Variants in PPFIA2 observed in about 807,000 individuals in gnomAD.
PPFIA2 encodes liprin-alpha-2.
A neutral mutation model predicts 175.5 loss-of-function variants in PPFIA2; 46 were observed. The observed-to-expected ratio is 0.26, with a 90% CI of 0.21 to 0.34. The LOEUF (loss-of-function observed/expected upper bound fraction) is 0.34. Ranked by LOEUF, PPFIA2 falls within the 10% of genes least tolerant of loss-of-function variation. The pLI, the probability that PPFIA2 is intolerant of heterozygous loss-of-function variation, is 1.00. For missense variants in PPFIA2, 1,179 were observed against 1,506.1 expected, an observed-to-expected ratio of 0.78 and a Z score of 3.60; for synonymous variants, 568 against 511.4, an observed-to-expected ratio of 1.11 and a Z score of -1.49.
chr12:81,531,240 A>C (rs1036330853), intron 4 of PPFIA2, among the ~76,000 whole-genome samples: 3 of 151,934 alleles, frequency 2.0e-5, no homozygotes, highest in Non-Finnish European at 4.4e-5. Context: ...CCAATTAAGT[A>C]GTTAGTTGTA....
chr12:81,595,266 C>CATATAT (rs200144374), intron 4 of PPFIA2, among the ~76,000 whole-genome samples: 1 of 149,530 alleles, frequency 6.7e-6, no homozygotes, highest in Non-Finnish European at 1.5e-5. Context: ...TTTAAACAAA[C>CATATAT]ATATATATAT....
intron 22 of PPFIA2, among the ~76,000 whole-genome samples, chr12:81,301,552 G>T (rs1566008982): frequency 6.6e-6 from 1 of 152,102 alleles, no homozygotes; most frequent in East Asian, 1.9e-4. Flanking sequence ...TTTTGAGTCT[G>T]ATCATGTAAC....
intron 16 of PPFIA2, among the ~76,000 whole-genome samples, chr12:81,357,357 A>G (rs2061006406): frequency 6.6e-6 from 1 of 152,226 alleles, no homozygotes; most frequent in South Asian, 2.1e-4. Flanking sequence ...GGGCCTGTGT[A>G]CAAATATGGA....
At chr12:81,335,310 G>A (rs2056920999) in intron 21 of PPFIA2, among the ~76,000 whole-genome samples, 1 of 152,306 alleles carries the variant, frequency 6.6e-6, no homozygotes, top group East Asian at 1.9e-4. Context: ...TCATTGTGCT[G>A]TCAAGTCTTA....
At chr12:81,594,480 T>C (rs1224685996) in intron 4 of PPFIA2, among the ~76,000 whole-genome samples, 4 of 152,146 alleles carry the variant, frequency 2.6e-5, no homozygotes, top group Non-Finnish European at 5.9e-5. Context: ...AATTATTCCT[T>C]TGGTTTGAAG....
chr12:81,638,224 C>A (rs897228852), intron 4 of PPFIA2, among the ~76,000 whole-genome samples: 1 of 152,062 alleles, frequency 6.6e-6, no homozygotes, highest in Admixed American at 6.6e-5. Flanking sequence ...ATTCTTATCA[C>A]CACCCTGTAT....
At chr12:81,604,487 A>G (rs1322164108) in intron 4 of PPFIA2, among the ~76,000 whole-genome samples, 1 of 151,594 alleles carries the variant, frequency 6.6e-6, no homozygotes, top group Non-Finnish European at 1.5e-5. Context: ...ATATTTTAAC[A>G]TCTTTCTTTA....
At chr12:81,354,431 AACCACTT>A (rs2060539881) in intron 16 of PPFIA2, among the ~76,000 whole-genome samples, 1 of 152,166 alleles carries the variant, frequency 6.6e-6, no homozygotes, top group South Asian at 2.1e-4. Context: ...CATCTCAAGA[AACCACTT>A]TCTGTTCATT....
At chr12:81,348,649 T>C (rs1240739766) in intron 17 of PPFIA2, among the ~76,000 whole-genome samples, 3 of 151,982 alleles carry the variant, frequency 2.0e-5, no homozygotes, top group African/African-American at 4.8e-5. Flanking sequence ...AGCAGGAGAA[T>C]CGCTTGAACC....
intron 28 of PPFIA2, among the ~76,000 whole-genome samples, chr12:81,270,492 C>A (rs773930451): frequency 3.3e-5 from 5 of 152,146 alleles, no homozygotes; most frequent in Non-Finnish European, 5.9e-5. Flanking sequence ...TGTTATCATT[C>A]TTGAATGGCA....
Position 81,717,939 on chromosome 12 carries a change from A to G in PPFIA2, c.249+36034T>C, listed in dbSNP as rs116420649. On this transcript the variant is annotated intron_variant, in intron 3 of 32. Transcript: ENST00000549396. Reference sequence around the variant, plus strand: ...AATTGATCCCATGGAGAAAATCTGAAGTAGAAACTGTACCACAGTTAGCTG... The same window carrying G: ...AATTGATCCCATGGAGAAAATCTGAGGTAGAAACTGTACCACAGTTAGCTG... Among the ~76,000 whole-genome samples, 346 of 151,764 alleles carry G rather than the reference A, an allele frequency of 2.3e-3. 1 individual carries two copies. The highest frequency in any genetic ancestry group is 8.1e-3 in the African/African-American group (336 of 41,490).
At chr12:81,413,870 TTG>T (rs1311535907) in intron 7 of PPFIA2, among the ~76,000 whole-genome samples, 13 of 151,766 alleles carry the variant, frequency 8.6e-5, no homozygotes, top group Non-Finnish European at 1.3e-4. Context: ...TCATTTTCCT[TTG>T]TCTTTCTGAA....
rs571682808 is a variant in PPFIA2 at position 81,475,488 on chromosome 12, C to T, written c.304-17622G>A. Reference sequence around the variant, plus strand: ...TTTTAAAATTCGAGAATACAATTTGCTATTTATTATTTCTCCTGATTCTAG... The same window carrying T: ...TTTTAAAATTCGAGAATACAATTTGTTATTTATTATTTCTCCTGATTCTAG... On this transcript the variant is annotated intron_variant, in intron 4 of 32. Transcript: ENST00000549396. Among the ~76,000 whole-genome samples the T allele has an allele frequency of 7.6e-4, 115 of 152,170 alleles. 1 individual carries two copies. Among genetic ancestry groups the T allele is most frequent in the Middle Eastern group, 3.4e-3 (1 of 294 alleles).
chr12:81,698,158 A>G (rs1210322247), intron 3 of PPFIA2, among the ~76,000 whole-genome samples: 1 of 152,150 alleles, frequency 6.6e-6, no homozygotes, highest in African/African-American at 2.4e-5. Context: ...CTTTGTTTCT[A>G]AGAAAGAAGA....
Position 81,465,872 on chromosome 12 carries a change from G to T in PPFIA2, c.304-8006C>A, listed in dbSNP as rs186391523. Among the ~76,000 whole-genome samples, 424 of 152,204 alleles carry T rather than the reference G, an allele frequency of 2.8e-3. 2 individuals are homozygous for T. The highest frequency in any genetic ancestry group is 9.7e-3 in the African/African-American group (404 of 41,540). Reference sequence around the variant, plus strand: ...ATTCAGTTTGGAAATCATTTAGTTTGGGAAGAAAGGCATATAGAAATTAAT... The same window carrying T: ...ATTCAGTTTGGAAATCATTTAGTTTTGGAAGAAAGGCATATAGAAATTAAT... On this transcript the variant is annotated intron_variant, in intron 4 of 32. Coordinates refer to ENST00000549396, the MANE Select transcript of PPFIA2 (RefSeq NM_003625.5).
At chr12:81,475,976 G>A (rs1418746128) in intron 4 of PPFIA2, among the ~76,000 whole-genome samples, 5 of 152,104 alleles carry the variant, frequency 3.3e-5, no homozygotes, top group Non-Finnish European at 7.4e-5. Flanking sequence ...ACAGCAATGT[G>A]GTAACTTTTT....
chr12:81,630,143 G>A (rs1336517256), intron 4 of PPFIA2, among the ~76,000 whole-genome samples: 2 of 152,156 alleles, frequency 1.3e-5, no homozygotes, highest in East Asian at 3.9e-4. Context: ...AGAGTCTCCA[G>A]TGGAACACAG....
chr12:81,429,453 T>A (rs2047718456), intron 7 of PPFIA2, among the ~76,000 whole-genome samples: 1 of 152,024 alleles, frequency 6.6e-6, no homozygotes, highest in South Asian at 2.1e-4. Flanking sequence ...AAATAAACGA[T>A]CCTATAACTT....
chr12:81,521,991 A>G (rs1026617946), intron 4 of PPFIA2, among the ~76,000 whole-genome samples: 6 of 152,218 alleles, frequency 3.9e-5, no homozygotes, highest in African/African-American at 1.4e-4. Context: ...ACATGATCAT[A>G]AAATGCATTT....
Sources: gnomAD v4.1 joint callset for allele counts (sites outside exome capture counted in the v4.1 genomes callset) on GRCh38, gnomAD v4.1.1 for gene constraint, MANE v1.5 for transcripts, NCBI Gene and HGNC (gene_info 2026-07-23, HGNC 2026-07-21) for gene names.